Variants in VEZF1 observed in about 807,000 individuals in gnomAD.
The protein encoded by VEZF1 is putative transcription factor DB1.
VEZF1 carries 5 observed loss-of-function variants against 44.1 expected under a neutral mutation model. That is an observed-to-expected ratio of 0.11 (90% CI 0.06 to 0.24). VEZF1 has a LOEUF of 0.24. VEZF1 is among the 10% of genes least tolerant of loss of function. The probability of loss-of-function intolerance (pLI) is 1.00; values close to 1 mark genes in which losing one functional copy is unlikely to be tolerated. For synonymous variants in VEZF1, 236 were observed against 233.1 expected (o/e 1.01, Z -0.11); for missense variants, 358 against 641.8 (o/e 0.56, Z 4.78).
intron 5 of VEZF1, 60 bp from the exon 6 acceptor site, chr17:57,974,960 T>C: frequency 6.6e-7 from 1 of 1,516,834 alleles, no homozygotes; most frequent in Non-Finnish European, 8.9e-7. Context: ...ATTCACAAAG[T>C]TTCTGAATCA....
At chr17:57,982,630 A>G (rs934646913) in intron 2 of VEZF1, 69 bp downstream of exon 2, 7 of 1,437,086 alleles carry the variant, frequency 4.9e-6, no homozygotes, top group Non-Finnish European at 6.6e-6. Flanking sequence ...ATTCTAGATC[A>G]CATGGAGACA....
chr17:57,974,972 TTTC>T, intron 5 of VEZF1, 72 bp from the exon 6 acceptor site: 1 of 1,470,400 alleles, frequency 6.8e-7, no homozygotes, highest in Non-Finnish European at 9.2e-7. Flanking sequence ...TCTGAATCAA[TTTC>T]TTTTCATTAA....
At chr17:57,980,529 T>C (rs1030126775) in intron 4 of VEZF1, 74 bp downstream of exon 4, 1 of 1,438,184 alleles carries the variant, frequency 7.0e-7, no homozygotes, top group Non-Finnish European at 9.7e-7. Flanking sequence ...ATTAATACCT[T>C]TGATACAATA....
intron 1 of VEZF1, among the ~76,000 whole-genome samples, chr17:57,986,783 G>C (rs1598051345): frequency 6.6e-6 from 1 of 152,116 alleles, no homozygotes. Flanking sequence ...ATAATTTTTT[G>C]AAAATTCTGC....
At chr17:57,979,567 AG>A (rs1447129615) in intron 4 of VEZF1, among the ~76,000 whole-genome samples, 2 of 150,946 alleles carry the variant, frequency 1.3e-5, no homozygotes, top group Admixed American at 6.6e-5. Flanking sequence ...AAAAAAAAAA[AG>A]CAAGTGTCTT....
chr17:57,980,776 G>A lies in VEZF1; in HGVS notation c.803C>T (p.Ala268Val). The change falls in exon 4 of 6, where the codon GCT becomes GTT. Residue 268 changes from alanine (A) to valine (V), a missense_variant. Physicochemically the swap from Ala to Val is moderately conservative, Grantham distance 64. Coordinates refer to ENST00000581208, the MANE Select transcript of VEZF1 (RefSeq NM_007146.3). ...CAGTCTGTCTTTGGTGGCAAAGGCA[G>A]CAGTGCACGTCTGCATGAGGGAGGA... is the stretch of plus-strand genomic sequence containing the variant. ...ERPFKCQTCT[A>V]AFATKDRLRT... is the part of the protein sequence containing the mutation. The A allele has an allele frequency of 6.2e-7, 1 of 1,614,212 alleles. No individual in the cohort carries two copies. Among genetic ancestry groups the A allele is most frequent in the Non-Finnish European group, 8.5e-7 (1 of 1,180,026 alleles).
At chr17:57,980,189 T>C (rs1314888316) in intron 4 of VEZF1, among the ~76,000 whole-genome samples, 1 of 152,154 alleles carries the variant, frequency 6.6e-6, no homozygotes, top group East Asian at 1.9e-4. Context: ...ACATATATAA[T>C]AGAATAAAGG....
In VEZF1 at chr17:57,972,079, G is replaced by C. The variant is rs930491654; in HGVS notation, c.*2394C>G. 2 of 152,514 alleles carry C rather than the reference G, an allele frequency of 1.3e-5. No individual in the cohort carries two copies. Among genetic ancestry groups the C allele is most frequent in the African/African-American group, 4.8e-5 (2 of 41,392 alleles). The allele number at this position is 152,514 out of a possible 1,614,324, so 9.4% of individuals were successfully genotyped here. On this transcript the variant is annotated 3_prime_UTR_variant, in exon 6 of 6. Coordinates refer to ENST00000581208, the MANE Select transcript of VEZF1 (RefSeq NM_007146.3). The stretch of plus-strand genomic sequence containing the variant: ...CAGACAAGCTTCTTAAGTGAATAAA[G>C]AATGCATACAAAATAGTATTTTAAC...
chr17:57,973,647 ACT>A lies in VEZF1; in HGVS notation c.*824_*825del, dbSNP rs1308056983. ...GGCTCCTAAATAGGAATCCCACTGG[ACT>A]CTGTTTATTAGGAGCTTGCCTGTCC... On this transcript the variant is annotated 3_prime_UTR_variant, in exon 6 of 6. Coordinates refer to ENST00000581208, the MANE Select transcript of VEZF1 (RefSeq NM_007146.3). 41 of 151,866 alleles carry A rather than the reference ACT, an allele frequency of 2.7e-4. No individual in the cohort carries two copies. The highest frequency in any genetic ancestry group is 2.7e-3 in the Admixed American group (41 of 15,240). The allele number at this position is 151,866 out of a possible 1,614,324, so 9.4% of individuals were successfully genotyped here. A position where few individuals can be genotyped will look rare whatever the true frequency, so the allele number is the denominator to read the frequency against.
intron 1 of VEZF1, among the ~76,000 whole-genome samples, chr17:57,983,832 TTGTC>T (rs2075272614): frequency 1.3e-5 from 2 of 152,176 alleles, no homozygotes; most frequent in African/African-American, 4.8e-5. Context: ...AATCATCTAT[TTGTC>T]TATTATCCAG....
At chr17:57,978,693 T>C (rs772362514) in intron 5 of VEZF1, among the ~76,000 whole-genome samples, 43 of 151,236 alleles carry the variant, frequency 2.8e-4, no homozygotes, top group Non-Finnish European at 5.7e-4. Flanking sequence ...AAACATGTAA[T>C]AAATAATACA....
chr17:57,982,969 C>T lies in VEZF1; in HGVS notation c.458G>A (p.Ser153Asn), dbSNP rs1227111783. The change falls in exon 2 of 6, where the codon AGC (serine) becomes AAC (asparagine). Residue 153 changes from serine (S) to asparagine (N), a missense_variant. Transcript: ENST00000581208. ...CTGGGTCACTGGCATAGCTGTGGTG[C>T]TGGCACTGCTACTGGGGTTGGTGCC... ...SSGTNPSSSA[S>N]TTAMPVTQSV... The T allele has an allele frequency of 6.2e-7, 1 of 1,614,182 alleles. No individual in the cohort carries two copies. The highest frequency in any genetic ancestry group is 1.1e-5 in the South Asian group (1 of 91,090).
At chr17:57,979,436 C>T in intron 4 of VEZF1, 123 bp from the exon 5 acceptor site, 1 of 1,428,120 alleles carries the variant, frequency 7.0e-7, no homozygotes, top group Non-Finnish European at 9.3e-7. Flanking sequence ...TTAGTAAGTG[C>T]ATCTTTTTTG....
At position 57,972,991 on chromosome 17, in the gene VEZF1, TA is replaced by T. The variant is rs2075151831; in HGVS notation, c.*1481del. The T allele has an allele frequency of 6.6e-6, 1 of 152,404 alleles. No individual in the cohort carries two copies. Among genetic ancestry groups the T allele is most frequent in the Non-Finnish European group, 1.5e-5 (1 of 68,030 alleles). The allele number at this position is 152,404 out of a possible 1,614,324, so 9.4% of individuals were successfully genotyped here. ...AAACATTCTGCAAGATTAACACAAC[TA>T]ATTTCCATTTCTCTTAACTGCAATG... On this transcript the variant is annotated 3_prime_UTR_variant, in exon 6 of 6. Coordinates refer to ENST00000581208, the MANE Select transcript of VEZF1 (RefSeq NM_007146.3).
Position 57,974,889 on chromosome 17 carries a change from G to C in VEZF1, c.1150C>G (p.Leu384Val). The part of the protein sequence containing the change: ...VKARKKEAAN[L>V]CQTSTAATTP... ...GTAGCAGCCGTGGAGGTTTGGCACA[G>C]GTTAGCAGCTTCTAAAATAAGAAGA... The change falls in exon 6 of 6, where the codon CTG (leucine) becomes GTG (valine). Residue 384 changes from leucine to valine, a missense_variant. Around this residue, in one of 4 missense-constraint regions of VEZF1, gnomAD observed 171 missense variants for 272.4 expected, o/e 0.63. Coordinates refer to ENST00000581208, the MANE Select transcript of VEZF1 (RefSeq NM_007146.3). 2.5e-6 allele frequency: 4 copies of C among 1,605,744 alleles called. No individual in the cohort carries two copies. Among genetic ancestry groups the C allele is most frequent in the Non-Finnish European group, 3.4e-6 (4 of 1,173,118 alleles).
At chr17:57,978,358 T>C (rs555311489) in intron 5 of VEZF1, among the ~76,000 whole-genome samples, 9 of 152,148 alleles carry the variant, frequency 5.9e-5, no homozygotes, top group Admixed American at 1.3e-4. Flanking sequence ...TAGTAAGACA[T>C]TGTAGAGGTG....
intron 5 of VEZF1, among the ~76,000 whole-genome samples, chr17:57,977,255 T>A (rs1598044083): frequency 6.6e-6 from 1 of 152,104 alleles, no homozygotes; most frequent in East Asian, 1.9e-4. Flanking sequence ...TAGCGGGGAC[T>A]ACAGACACGC....
intron 5 of VEZF1, 55 bp from the exon 6 acceptor site, chr17:57,974,955 CAA>C (rs1311194402): frequency 3.9e-6 from 6 of 1,531,120 alleles, no homozygotes; most frequent in Admixed American, 4.2e-5. Flanking sequence ...GCAAAATTCA[CAA>C]AGTTTCTGAA....
chr17:57,988,201 G>A lies in VEZF1; in HGVS notation c.-90C>T, dbSNP rs2075321255. On this transcript the variant is annotated 5_prime_UTR_variant, in exon 1 of 6. Transcript: ENST00000581208. ...AGGCGACAACAAAGCGGCGGCGGCG[G>A]CGGCGGCAACGGCAGCGGCGGCTCC... 2 of 298,706 alleles carry A rather than the reference G, an allele frequency of 6.7e-6. No homozygotes were observed. The highest frequency in any genetic ancestry group is 1.2e-5 in the Non-Finnish European group (2 of 173,294). The allele number at this position is 298,706 out of a possible 1,614,324, so 18.5% of individuals were successfully genotyped here. A position where few individuals can be genotyped will look rare whatever the true frequency, so the allele number is the denominator to read the frequency against.
Sources: gnomAD v4.1 joint callset for allele counts (sites outside exome capture counted in the v4.1 genomes callset) on GRCh38, gnomAD v4.1.1 for gene constraint, gnomAD v4.1.1 regional missense constraint, MANE v1.5 for transcripts, NCBI Gene and HGNC (gene_info 2026-07-23, HGNC 2026-07-21) for gene names.